Variants in ADAR observed in about 807,000 individuals in gnomAD.
The protein encoded by ADAR is adenosine deaminase RNA specific.
Under a neutral mutation model 113.2 loss-of-function variants are expected in ADAR, and 41 were observed. That is an observed-to-expected ratio of 0.36 (90% CI 0.28 to 0.47). The LOEUF (loss-of-function observed/expected upper bound fraction) is 0.47. Ranked by LOEUF, ADAR falls within the 20% of genes least tolerant of loss-of-function variation. The pLI is 1.00. For synonymous variants in ADAR, 605 were observed against 572.6 expected (o/e 1.06, Z -0.81); for missense variants, 1,242 against 1,540.9 (o/e 0.81, Z 3.25).
Position 154,586,148 on chromosome 1 carries a change from G to T in ADAR, c.3202+33C>A. The T allele has an allele frequency of 1.9e-6, 3 of 1,612,688 alleles. No individual in the cohort carries two copies. The South Asian group carries it at 3.3e-5, about 18-fold the overall frequency. On this transcript the variant is annotated intron_variant, in intron 12 of 14. Coordinates refer to ENST00000368474, the MANE Select transcript of ADAR (RefSeq NM_001111.5). ...TTGGGATCTGGGCACAAGAAGGACA[G>T]ACCAGTTCCAGATCCCAAGGCAGGC...
At position 154,601,467 on chromosome 1, in the gene ADAR, C is replaced by T; in HGVS notation, c.1175G>A (p.Cys392Tyr). The T allele has an allele frequency of 6.2e-7, 1 of 1,614,162 alleles. No individual in the cohort carries two copies. The highest frequency in any genetic ancestry group is 8.5e-7 in the Non-Finnish European group (1 of 1,180,036). The change falls in exon 2 of 15, where the codon TGT (cysteine) becomes TAT (tyrosine). Residue 392 changes from cysteine (C) to tyrosine (Y), a missense_variant. Cys to Tyr is a radical substitution (Grantham distance 194). This residue lies in a region of ADAR where 462 missense variants were observed against 483.1 expected (regional missense o/e 0.96). Coordinates refer to ENST00000368474, the MANE Select transcript of ADAR (RefSeq NM_001111.5). The surrounding 1 kb of genome is among the most constrained non-coding windows in gnomAD (Gnocchi z 4.7). ...ETKRNAEFLT[C>Y]NIPTSNASNN... The stretch of plus-strand genomic sequence containing the variant: ...TGAGGCATTTGATGTGGGTATATTA[C>T]AGGTGAGGAACTCTGCGTTTCTTTT...
At chr1:154,588,468 T>G in intron 10 of ADAR, 83 bp downstream of exon 10, 2 of 1,589,634 alleles carry the variant, frequency 1.3e-6, no homozygotes, top group Non-Finnish European at 1.7e-6. Context: ...TCAGGTTCGA[T>G]TTACAGGCCA....
intron 1 of ADAR, among the ~76,000 whole-genome samples, chr1:154,626,122 G>GC (rs1553218802): frequency 1.4e-5 from 2 of 138,044 alleles, no homozygotes; most frequent in African/African-American, 5.3e-5. Context: ...AATAAAGTGA[G>GC]TTTTTTTTTT....
intron 6 of ADAR, among the ~76,000 whole-genome samples, chr1:154,593,383 C>T (rs987825429): frequency 2.0e-5 from 3 of 152,184 alleles, no homozygotes; most frequent in Admixed American, 2.0e-4. Flanking sequence ...ACTCTGCATT[C>T]ACCTCCAATG....
At chr1:154,627,834 G>A (rs1265459683) in intron 1 of ADAR, 1 of 517,142 alleles carries the variant, frequency 1.9e-6, no homozygotes, top group Non-Finnish European at 3.8e-6. Flanking sequence ...AGGTGTAGCC[G>A]AGAAGGACAG....
At chr1:154,626,511 C>T (rs575297443) in intron 1 of ADAR, among the ~76,000 whole-genome samples, 1 of 152,254 alleles carries the variant, frequency 6.6e-6, no homozygotes, top group South Asian at 2.1e-4. Context: ...CTACCACCCC[C>T]AAGTCTGCAT....
Position 154,586,035 on chromosome 1 carries a change from G to A in ADAR, c.3202+146C>T, listed in dbSNP as rs976962131. ...GGGCTACCAGGATCTTCCTACCACA[G>A]CAGACTGGACACTCAATCAATTACT... On this transcript the variant is annotated intron_variant, in intron 12 of 14. Coordinates refer to ENST00000368474, the MANE Select transcript of ADAR (RefSeq NM_001111.5). 1.5e-5 allele frequency: 19 copies of A among 1,232,288 alleles called. No individual in the cohort carries two copies. In the African/African-American group the frequency reaches 2.4e-4, roughly 16 times the overall value. The allele number at this position is 1,232,288 out of a possible 1,614,324, so 76.3% of individuals were successfully genotyped here. A position where few individuals can be genotyped will look rare whatever the true frequency, so the allele number is the denominator to read the frequency against.
exon 1 of ADAR, chr1:154,627,918 T>TCCCCCCCCCCCC: frequency 9.3e-5 from 37 of 399,558 alleles, no homozygotes; most frequent in South Asian, 2.5e-4. Flanking sequence ...GCCGCGACCC[T>TCCCCCCCCCCCC]CCCCCCACCC....
intron 6 of ADAR, among the ~76,000 whole-genome samples, chr1:154,593,551 AAG>A (rs1697305714): frequency 6.6e-6 from 1 of 152,230 alleles, no homozygotes; most frequent in Non-Finnish European, 1.5e-5. Flanking sequence ...ACAGAAGAGA[AAG>A]AGGAAATGCA....
chr1:154,590,141 A>AGCC, intron 7 of ADAR, 43 bp downstream of exon 7: 8 of 760,860 alleles, frequency 1.1e-5, no homozygotes, highest in Non-Finnish European at 1.5e-5. Flanking sequence ...AGTTAGGAGG[A>AGCC]CCCCCCCGCC....
upstream of ADAR, among the ~76,000 whole-genome samples, chr1:154,609,162 T>TA (rs1698394372): frequency 6.6e-6 from 1 of 152,230 alleles, no homozygotes; most frequent in Admixed American, 6.5e-5. Flanking sequence ...CTGAAGGCTT[T>TA]AGTAAAGCTC....
At chr1:154,608,832 G>GGT (rs1553215836), upstream of ADAR, 1 of 150,468 alleles carries the variant, frequency 6.6e-6, no homozygotes, top group African/African-American at 2.5e-5. Context: ...ATGTGGAGGG[G>GGT]GGGGGGAGGG....
chr1:154,588,262 A>T lies in ADAR; in HGVS notation c.2886-4T>A. 5 of 1,614,148 alleles carry T rather than the reference A, an allele frequency of 3.1e-6. No homozygotes were observed. Among genetic ancestry groups the T allele is most frequent in the Non-Finnish European group, 4.2e-6 (5 of 1,180,032 alleles). ...GCCATCTCCACACGGAGCAGTGCTG[A>T]AAAACAGGGGTGGCTGTTAAAACTC... is the stretch of plus-strand genomic sequence containing the variant. On this transcript the variant is annotated splice_polypyrimidine_tract_variant and splice_region_variant and intron_variant, in intron 10 of 14. Coordinates refer to ENST00000368474, the MANE Select transcript of ADAR (RefSeq NM_001111.5).
Position 154,588,725 on chromosome 1 carries a change from G to C in ADAR, c.2763-52C>G, listed in dbSNP as rs189924534. The C allele has an allele frequency of 5.5e-4, 893 of 1,612,214 alleles. 3 individuals are homozygous for C. In the African/African-American group the frequency reaches 0.01, roughly 19 times the overall value. ...GGCAGGTTCAATTCTGGGAAAAGCA[G>C]TTGTTTCTATAATCTGACCTCCAAA... On this transcript the variant is annotated intron_variant, in intron 9 of 14. Transcript: ENST00000368474.
chr1:154,593,697 ATG>A (rs1343853079), intron 6 of ADAR, among the ~76,000 whole-genome samples: 2 of 152,192 alleles, frequency 1.3e-5, no homozygotes, highest in South Asian at 4.1e-4. Flanking sequence ...CAGTGGGCAG[ATG>A]TGTGTTCTAA....
intron 1 of ADAR, among the ~76,000 whole-genome samples, chr1:154,616,946 C>T (rs1235086557): frequency 1.3e-5 from 2 of 152,224 alleles, no homozygotes; most frequent in African/African-American, 2.4e-5. Context: ...CAATGGGTAT[C>T]TCAGAGGAGG....
intron 1 of ADAR, chr1:154,606,005 C>T (rs987706024): frequency 4.8e-5 from 45 of 941,102 alleles, no homozygotes; most frequent in Admixed American, 6.2e-5. Context: ...AGTACTCACA[C>T]GGTTATTTTT....
chr1:154,594,297 A>C (rs932540622), intron 6 of ADAR, among the ~76,000 whole-genome samples: 1 of 152,210 alleles, frequency 6.6e-6, no homozygotes, highest in African/African-American at 2.4e-5. Flanking sequence ...GTGAAAATTC[A>C]AACAGTTAAG....
chr1:154,614,080 A>G (rs1408217558), intron 1 of ADAR, among the ~76,000 whole-genome samples: 1 of 152,176 alleles, frequency 6.6e-6, no homozygotes, highest in African/African-American at 2.4e-5. Flanking sequence ...TAATAAAGAT[A>G]TAACATTTGC....
Sources: gnomAD v4.1 joint callset for allele counts (sites outside exome capture counted in the v4.1 genomes callset) on GRCh38, gnomAD v4.1.1 for gene constraint, gnomAD v4.1.1 regional missense constraint, Gnocchi (gnomAD v3.1) non-coding constraint, MANE v1.5 for transcripts, NCBI Gene and HGNC (gene_info 2026-07-23, HGNC 2026-07-21) for gene names.